SLC35D1: variants seen among roughly 807,000 people sequenced by gnomAD.
SLC35D1 encodes nucleotide sugar transporter SLC35D1.
In SLC35D1, 31 loss-of-function variants were observed where a neutral mutation model predicts 46.7. The observed-to-expected ratio is 0.66, with a 90% CI of 0.50 to 0.90. The LOEUF (loss-of-function observed/expected upper bound fraction) is 0.90. Among genes scored for constraint, SLC35D1 ranks in the 40% least tolerant of loss-of-function variants. The pLI is 0.00. For missense variants in SLC35D1, 397 were observed against 426.2 expected (o/e 0.93, Z 0.60); for synonymous variants, 195 against 164.6 (o/e 1.18, Z -1.41).
Position 67,024,704 on chromosome 1 carries a change from T to C in SLC35D1, c.730-3102A>G, listed in dbSNP as rs528907822. On this transcript the variant is annotated intron_variant, in intron 8 of 11. Transcript: ENST00000235345. ...TGTCTAACTTCATGTTCACATGGTG[T>C]TCTCCCTGTGTGCATACCTGTGTCC... 5.9e-5 allele frequency among the ~76,000 whole-genome samples: 9 copies of C among 152,272 alleles called. No homozygotes were observed. In the East Asian group the frequency reaches 1.7e-3, roughly 29 times the overall value.
chr1:67,044,152 A>G (rs1025663061), intron 7 of SLC35D1, among the ~76,000 whole-genome samples: 5 of 152,138 alleles, frequency 3.3e-5, no homozygotes, highest in Admixed American at 2.6e-4. Context: ...CCTGGCCAAC[A>G]TAGAGTAACC....
At chr1:67,039,025 T>C (rs1046391398) in intron 8 of SLC35D1, among the ~76,000 whole-genome samples, 4 of 152,186 alleles carry the variant, frequency 2.6e-5, no homozygotes, top group African/African-American at 9.7e-5. Context: ...ATCAACCCCA[T>C]CAACTGCTGT....
intron 8 of SLC35D1, among the ~76,000 whole-genome samples, chr1:67,027,491 C>T (rs1273204703): frequency 6.6e-6 from 1 of 151,970 alleles, no homozygotes; most frequent in Non-Finnish European, 1.5e-5. Context: ...CCAGGCTGGC[C>T]GTGAACTCCT....
chr1:67,005,109 C>G (rs891825214), intron 11 of SLC35D1, among the ~76,000 whole-genome samples: 3 of 152,154 alleles, frequency 2.0e-5, no homozygotes, highest in African/African-American at 7.2e-5. Context: ...GGATACGCAG[C>G]CTCCTACCCG....
intron 10 of SLC35D1, among the ~76,000 whole-genome samples, chr1:67,018,450 C>T (rs1216401540): frequency 6.6e-6 from 1 of 152,096 alleles, no homozygotes; most frequent in Non-Finnish European, 1.5e-5. Flanking sequence ...GCAAGGCTGG[C>T]TATCAAGAAA....
At chr1:66,993,012 T>A in the SLC35D1 span, among the ~76,000 whole-genome samples, 489 of 152,362 alleles carry the variant, frequency 3.2e-3, 6 homozygotes, top group African/African-American at 0.011. Context: ...TTTCCAATGA[T>A]CTGGATTTTA....
At chr1:66,988,823 T>C in the SLC35D1 span, among the ~76,000 whole-genome samples, 25 of 152,354 alleles carry the variant, frequency 1.6e-4, no homozygotes, top group African/African-American at 6.0e-4. Context: ...GGCCTATACT[T>C]GTACCAGGTA....
chr1:67,033,067 T>G (rs1668049687), intron 8 of SLC35D1, among the ~76,000 whole-genome samples: 5 of 152,206 alleles, frequency 3.3e-5, no homozygotes. Flanking sequence ...TGTTGCAAAT[T>G]TCAGCATCTC....
At chr1:67,034,181 T>C (rs1003289972) in intron 8 of SLC35D1, among the ~76,000 whole-genome samples, 1 of 152,236 alleles carries the variant, frequency 6.6e-6, no homozygotes, top group Non-Finnish European at 1.5e-5. Context: ...CTGGGTCTTT[T>C]GTGGTTCCAC....
the SLC35D1 span, chr1:66,987,895 T>G: frequency 6.6e-6 from 1 of 151,834 alleles, no homozygotes; most frequent in Non-Finnish European, 1.5e-5. Context: ...CAAGAGATCC[T>G]TTCAGTCCCT....
intron 8 of SLC35D1, among the ~76,000 whole-genome samples, chr1:67,022,805 C>T (rs1667836521): frequency 6.6e-6 from 1 of 152,140 alleles, no homozygotes. Flanking sequence ...AAATCAACTC[C>T]TTCCAAAGTT....
chr1:67,024,022 G>A (rs534172875), intron 8 of SLC35D1, among the ~76,000 whole-genome samples: 39 of 149,948 alleles, frequency 2.6e-4, no homozygotes, highest in African/African-American at 8.6e-4. Context: ...TCGGCTCACT[G>A]CAACCTCCGT....
chr1:67,026,236 T>C lies in SLC35D1; in HGVS notation c.730-4634A>G, dbSNP rs1667911588. Among the ~76,000 whole-genome samples, 3 of 152,322 alleles carry C rather than the reference T, an allele frequency of 2.0e-5. No individual in the cohort carries two copies. In the South Asian group the frequency reaches 6.2e-4, roughly 32 times the overall value. The stretch of plus-strand genomic sequence containing the variant: ...TTTACACTCATGAGTGGGTGTCACC[T>C]TTTGTCAAATAGGTTTTCTGCATCT... On this transcript the variant is annotated intron_variant, in intron 8 of 11. Transcript: ENST00000235345.
chr1:67,041,652 T>C (rs2102344256), intron 8 of SLC35D1, among the ~76,000 whole-genome samples: 1 of 152,370 alleles, frequency 6.6e-6, no homozygotes, highest in South Asian at 2.1e-4. Flanking sequence ...AGAAAAATTC[T>C]TCTCCAGATT....
the SLC35D1 span, chr1:66,984,636 C>CATT: frequency 7.4e-6 from 12 of 1,613,678 alleles, no homozygotes; most frequent in Non-Finnish European, 1.0e-5. Context: ...AAGGGTTACA[C>CATT]ATTAATGGAC....
intron 10 of SLC35D1, 78 bp downstream of exon 10, chr1:67,020,291 C>T (rs1667770136): frequency 4.3e-6 from 4 of 920,130 alleles, no homozygotes; most frequent in Admixed American, 3.4e-5. Context: ...GTCTTAAGGC[C>T]ATCAACAGAC....
intron 8 of SLC35D1, among the ~76,000 whole-genome samples, chr1:67,022,208 T>C (rs1297476641): frequency 6.6e-6 from 1 of 152,228 alleles, no homozygotes; most frequent in Non-Finnish European, 1.5e-5. Flanking sequence ...GATCATCTCA[T>C]CTCTTGTCCA....
At chr1:67,024,606 G>A (rs1183718302) in intron 8 of SLC35D1, among the ~76,000 whole-genome samples, 1 of 152,080 alleles carries the variant, frequency 6.6e-6, no homozygotes, top group Non-Finnish European at 1.5e-5. Context: ...TCTTTTTCTT[G>A]CCTCTCCCCT....
the SLC35D1 span, among the ~76,000 whole-genome samples, chr1:66,974,864 T>C: frequency 6.6e-6 from 1 of 152,212 alleles, no homozygotes; most frequent in Non-Finnish European, 1.5e-5. Context: ...TTTGAGGGCT[T>C]TTGTTGAAGA....
Sources: gnomAD v4.1 joint callset for allele counts (sites outside exome capture counted in the v4.1 genomes callset) on GRCh38, gnomAD v4.1.1 for gene constraint, MANE v1.5 for transcripts, NCBI Gene and HGNC (gene_info 2026-07-23, HGNC 2026-07-21) for gene names.